Variants in SULT4A1 observed in about 807,000 individuals in gnomAD.
The protein encoded by SULT4A1 is sulfotransferase family 4A member 1.
Under a neutral mutation model 35.2 loss-of-function variants are expected in SULT4A1, and 11 were observed. That is an observed-to-expected ratio of 0.31 (90% CI 0.20 to 0.52). The LOEUF (loss-of-function observed/expected upper bound fraction) is 0.52. Ranked by LOEUF, SULT4A1 falls within the 20% of genes least tolerant of loss-of-function variation. The probability of loss-of-function intolerance (pLI) is 0.97; values close to 1 mark genes in which losing one functional copy is unlikely to be tolerated. For synonymous variants in SULT4A1, 152 were observed against 151.8 expected (o/e 1.00, Z -0.01); for missense variants, 271 against 383.7 (o/e 0.71, Z 2.45).
intron 6 of SULT4A1, chr22:43,827,522 G>T (rs1288067423): frequency 7.4e-7 from 1 of 1,351,198 alleles, no homozygotes; most frequent in African/African-American, 1.5e-5. Context: ...ACCTGGTTTA[G>T]GATTTGGAAT....
chr22:43,829,178 C>G lies in SULT4A1; in HGVS notation c.624G>C (p.Glu208Asp). Residue 208 changes from glutamate to aspartate, a missense_variant, in exon 6 of 7, where the codon GAG becomes GAC. Coordinates refer to ENST00000330884, the MANE Select transcript of SULT4A1 (RefSeq NM_014351.4). ...DMHRDLVTMV[E>D]QLARFLGVSC... ...ACACCCCCAGGAATCTGGCCAGCTG[C>G]TCCACCATCGTCACCAGGTCCTGGA... The G allele has an allele frequency of 1.9e-6, 3 of 1,565,614 alleles. No individual in the cohort carries two copies. The highest frequency in any genetic ancestry group is 2.6e-6 in the Non-Finnish European group (3 of 1,155,186).
At chr22:43,832,471 A>G (rs1367689510) in intron 5 of SULT4A1, among the ~76,000 whole-genome samples, 1 of 152,148 alleles carries the variant, frequency 6.6e-6, no homozygotes, top group African/African-American at 2.4e-5. Context: ...CGCTCCTGCG[A>G]AGGCCGACCT....
intron 6 of SULT4A1, chr22:43,826,926 G>A (rs1220258975): frequency 1.0e-6 from 1 of 985,328 alleles, no homozygotes; most frequent in Non-Finnish European, 1.2e-6. Flanking sequence ...TGAGCTGTGG[G>A]ATAAACTGCA....
intron 1 of SULT4A1, among the ~76,000 whole-genome samples, chr22:43,858,513 G>C (rs1294493076): frequency 6.6e-6 from 1 of 152,172 alleles, no homozygotes; most frequent in African/African-American, 2.4e-5. Flanking sequence ...TGGGGAAAGA[G>C]GAACTTCTCA....
chr22:43,835,870 A>C (rs987768338), intron 4 of SULT4A1, among the ~76,000 whole-genome samples: 2 of 152,208 alleles, frequency 1.3e-5, no homozygotes, highest in Non-Finnish European at 2.9e-5. Flanking sequence ...TGTGAGGAGC[A>C]AGTGCACGGA....
chr22:43,862,223 G>A lies in SULT4A1; in HGVS notation c.160C>T (p.Pro54Ser). 1.3e-6 allele frequency: 2 copies of A among 1,556,648 alleles called. No homozygotes were observed. Among genetic ancestry groups the A allele is most frequent in the Non-Finnish European group, 1.7e-6 (2 of 1,151,056 alleles). ...TCGGCGCGGGGCTCACCGGACTTGG[G>A]GTAGGTGACGATCCACACGTCGCTG... ...RPSDVWIVTY[P>S]KSGTSLLQEV... Residue 54 changes from proline to serine, a missense_variant, in exon 1 of 7, where the codon CCC (proline) becomes TCC (serine). Physicochemically the swap from Pro to Ser is moderately conservative, Grantham distance 74. This residue lies in a region of SULT4A1 where 164 missense variants were observed against 254.1 expected (regional missense o/e 0.65). Transcript: ENST00000330884.
chr22:43,848,564 T>C (rs2063490842), intron 1 of SULT4A1, among the ~76,000 whole-genome samples: 1 of 152,182 alleles, frequency 6.6e-6, no homozygotes, highest in South Asian at 2.1e-4. Flanking sequence ...AACAAGGCAC[T>C]GGGAAGTGGG....
chr22:43,839,596 A>C (rs1371777468), intron 3 of SULT4A1, among the ~76,000 whole-genome samples: 1 of 152,148 alleles, frequency 6.6e-6, no homozygotes, highest in African/African-American at 2.4e-5. Flanking sequence ...TCAAAAACAA[A>C]AAAACAAACA....
At chr22:43,826,649 A>G in intron 6 of SULT4A1, 2 of 985,454 alleles carry the variant, frequency 2.0e-6, no homozygotes, top group Non-Finnish European at 2.4e-6. Flanking sequence ...TTCAAAGTGC[A>G]GAAAATTTTA....
In SULT4A1 at chr22:43,840,805, C is replaced by T. The variant is rs115249516; in HGVS notation, c.301-780G>A. Among the ~76,000 whole-genome samples the T allele has an allele frequency of 2.7e-3, 410 of 152,362 alleles. 3 individuals are homozygous for T. Among genetic ancestry groups the T allele is most frequent in the African/African-American group, 9.4e-3 (391 of 41,590 alleles). ...GCCCAGCCCTCATGAAGCCAAAGAGCCCGGAACCGTTGCCTGCAACCCCCA... is the reference window on the plus strand; with the variant it reads ...GCCCAGCCCTCATGAAGCCAAAGAGTCCGGAACCGTTGCCTGCAACCCCCA... On this transcript the variant is annotated intron_variant, in intron 2 of 6. Transcript: ENST00000330884.
chr22:43,849,708 G>A (rs1171497589), intron 1 of SULT4A1, among the ~76,000 whole-genome samples: 2 of 152,182 alleles, frequency 1.3e-5, no homozygotes, highest in African/African-American at 2.4e-5. Flanking sequence ...ATTCGTTCAT[G>A]CAGCCTCATT....
chr22:43,850,563 G>C (rs924189101), intron 1 of SULT4A1, among the ~76,000 whole-genome samples: 1 of 152,132 alleles, frequency 6.6e-6, no homozygotes, highest in Non-Finnish European at 1.5e-5. Flanking sequence ...GTGTTCGCTC[G>C]ATCCTGTTTG....
intron 1 of SULT4A1, 52 bp downstream of exon 1, chr22:43,862,162 G>C (rs977014809): frequency 1.4e-4 from 190 of 1,367,932 alleles, no homozygotes; most frequent in Non-Finnish European, 1.3e-4. Flanking sequence ...CTACGCGGCC[G>C]CGCTGCAGGG....
At chr22:43,833,142 C>T (rs2063336664) in intron 5 of SULT4A1, among the ~76,000 whole-genome samples, 1 of 152,102 alleles carries the variant, frequency 6.6e-6, no homozygotes, top group African/African-American at 2.4e-5. Flanking sequence ...TCTGCCTAGG[C>T]TCCAGCCCCA....
At chr22:43,851,360 CT>C (rs2049340460) in intron 1 of SULT4A1, among the ~76,000 whole-genome samples, 2 of 152,156 alleles carry the variant, frequency 1.3e-5, no homozygotes, top group South Asian at 4.1e-4. Flanking sequence ...CTCACATGGT[CT>C]TTGCTTTCTC....
At chr22:43,847,098 G>A (rs1028699211) in intron 1 of SULT4A1, among the ~76,000 whole-genome samples, 5 of 151,994 alleles carry the variant, frequency 3.3e-5, no homozygotes, top group African/African-American at 1.2e-4. Flanking sequence ...TCTCCAGCCT[G>A]CCACATCAAT....
rs1248194605 is a variant in SULT4A1, at chr22:43,825,387, C to T, written c.*614G>A. ...GCAGAAGGACGTCCATTCTGAAGAC[C>T]TAGTGAACAATTTCTGCTCATTTCA... On this transcript the variant is annotated 3_prime_UTR_variant, in exon 7 of 7. Transcript: ENST00000330884. 1.3e-5 allele frequency: 2 copies of T among 152,258 alleles called. No individual in the cohort carries two copies. The highest frequency in any genetic ancestry group is 2.9e-5 in the Non-Finnish European group (2 of 68,104). 9.4% of individuals were successfully genotyped at this position (152,258 alleles called of 1,614,324 possible). A position where few individuals can be genotyped will look rare whatever the true frequency, so the allele number is the denominator to read the frequency against.
In SULT4A1 at chr22:43,829,102, C is replaced by T. The variant is rs1229626108; in HGVS notation, c.700G>A (p.Val234Met). 6 of 1,552,838 alleles carry T rather than the reference C, an allele frequency of 3.9e-6. No individual in the cohort carries two copies. Among genetic ancestry groups the T allele is most frequent in the Non-Finnish European group, 5.2e-6 (6 of 1,147,940 alleles). The change falls in exon 6 of 7, where the codon GTG (valine) becomes ATG (methionine). Residue 234 changes from valine (V) to methionine (M), a missense_variant. Physicochemically the swap from Val to Met is conservative, Grantham distance 21. Coordinates refer to ENST00000330884, the MANE Select transcript of SULT4A1 (RefSeq NM_014351.4). ...EALTEHCHQL[V>M]DQCCNAEALP... ...GCCTCAGCGTTGCAGCACTGGTCCA[C>T]CAGCTGGTGGCAGTGCTCCGTCAGG...
intron 1 of SULT4A1, among the ~76,000 whole-genome samples, chr22:43,844,367 A>G (rs2063458515): frequency 6.6e-6 from 1 of 152,104 alleles, no homozygotes; most frequent in Non-Finnish European, 1.5e-5. Flanking sequence ...GTGTGTGCTG[A>G]GGACACCCTG....
Sources: gnomAD v4.1 joint callset for allele counts (sites outside exome capture counted in the v4.1 genomes callset) on GRCh38, gnomAD v4.1.1 for gene constraint, gnomAD v4.1.1 regional missense constraint, MANE v1.5 for transcripts, NCBI Gene and HGNC (gene_info 2026-07-23, HGNC 2026-07-21) for gene names.